The following TDRD12 variants were observed in gnomAD, a reference collection of about 807,000 sequenced individuals.
TDRD12 encodes the protein tudor domain containing 12.
Under a neutral mutation model 133.5 loss-of-function variants are expected in TDRD12, and 158 were observed. The ratio of observed to expected loss-of-function variants is 1.18; its 90% CI spans 1.04 to 1.35. The LOEUF is 1.35. TDRD12 is among the 40% of genes most tolerant of loss of function. TDRD12 has a pLI of 0.00. For synonymous variants in TDRD12, 460 were observed against 477.9 expected, an observed-to-expected ratio of 0.96 and a Z score of 0.49; for missense variants, 1,443 against 1,321.3, an observed-to-expected ratio of 1.09 and a Z score of -1.43.
intron 2 of TDRD12, among the ~76,000 whole-genome samples, chr19:32,735,909 G>C (rs1186052587): frequency 6.6e-6 from 1 of 152,198 alleles, no homozygotes; most frequent in Admixed American, 6.5e-5. Context: ...GGTGGAGGCT[G>C]CAGTGAGCTG....
chr19:32,813,027 T>TG (rs1387152784), intron 24 of TDRD12, among the ~76,000 whole-genome samples: 3 of 151,914 alleles, frequency 2.0e-5, no homozygotes, highest in Non-Finnish European at 4.4e-5. Context: ...AAATTAAAAA[T>TG]TAACCAAGTG....
chr19:32,753,410 T>G (rs963272465), intron 6 of TDRD12, among the ~76,000 whole-genome samples: 3 of 152,132 alleles, frequency 2.0e-5, no homozygotes, highest in Non-Finnish European at 2.9e-5. Flanking sequence ...GCTATGTTGT[T>G]CAGGCTGGCC....
At chr19:32,738,217 A>G (rs181950520) in intron 2 of TDRD12, among the ~76,000 whole-genome samples, 1 of 152,316 alleles carries the variant, frequency 6.6e-6, no homozygotes, top group Non-Finnish European at 1.5e-5. Context: ...CACATGATTG[A>G]CAATCATTCC....
Position 32,797,846 on chromosome 19 carries a change from G to GGGCTCCATAAAGA in TDRD12, c.1588_1600dup (p.Glu534AlafsTer3). Reference sequence around the variant, plus strand: ...TCTTCATCCTGTGCTATTAACAATTGGGCTCCATAAAGAGGAAGCCAAAAA... The same window carrying GGGCTCCATAAAGA: ...TCTTCATCCTGTGCTATTAACAATTGGGCTCCATAAAGAGGCTCCATAAAGAGGAAGCCAAAAA... On this transcript the variant is annotated frameshift_variant, in exon 15 of 28. Transcript: ENST00000444215. LOFTEE classifies it high-confidence loss of function. 1 of 701,928 alleles carries GGGCTCCATAAAGA rather than the reference G, an allele frequency of 1.4e-6. No individual in the cohort carries two copies. Among genetic ancestry groups the GGGCTCCATAAAGA allele is most frequent in the Non-Finnish European group, 2.6e-6 (1 of 384,664 alleles). The allele number at this position is 701,928 out of a possible 1,614,324, so 43.5% of individuals were successfully genotyped here.
chr19:32,762,745 C>A (rs1970186562), intron 8 of TDRD12, among the ~76,000 whole-genome samples: 1 of 152,110 alleles, frequency 6.6e-6, no homozygotes, highest in Admixed American at 6.5e-5. Context: ...TTTCACAGGA[C>A]CATTGGGTTT....
chr19:32,759,811 T>C (rs2053773725), intron 8 of TDRD12, among the ~76,000 whole-genome samples: 1 of 152,170 alleles, frequency 6.6e-6, no homozygotes, highest in South Asian at 2.1e-4. Context: ...GGACATAAAC[T>C]CTGATGTGAG....
intron 6 of TDRD12, 34 bp downstream of exon 6, chr19:32,749,903 A>C (rs762252186): frequency 3.6e-6 from 5 of 1,404,722 alleles, no homozygotes. Flanking sequence ...ATAATATTTC[A>C]TCATTTTAAA....
chr19:32,761,054 C>G (rs927160701), intron 8 of TDRD12, among the ~76,000 whole-genome samples: 2 of 152,160 alleles, frequency 1.3e-5, no homozygotes, highest in Non-Finnish European at 2.9e-5. Flanking sequence ...TCAGGTTTTG[C>G]TGGTTATCAA....
At position 32,721,679 on chromosome 19, in the gene TDRD12, C is replaced by CTATTTTATTTTATTTTATTT. The variant is rs58024880; in HGVS notation, c.24+1610_24+1629dup. Reference sequence around the variant, plus strand: ...ACAGGCGTGAGCCACCGTGCCTGGCCTATTTTATTTTATTTTATTTTATTT... The same window carrying CTATTTTATTTTATTTTATTT: ...ACAGGCGTGAGCCACCGTGCCTGGCCTATTTTATTTTATTTTATTTTATTTTATTTTATTTTATTTTATTT... On this transcript the variant is annotated intron_variant, in intron 1 of 27. Transcript: ENST00000444215. Among the ~76,000 whole-genome samples, 371 of 126,244 alleles carry CTATTTTATTTTATTTTATTT rather than the reference C, an allele frequency of 2.9e-3. 1 individual carries two copies. The highest frequency in any genetic ancestry group is 0.012 in the South Asian group (46 of 3,730). 82.8% of individuals were successfully genotyped at this position (126,244 alleles called of 152,430 possible).
At chr19:32,801,844 A>T in exon 19 of TDRD12, 1 of 1,444,404 alleles carries the variant, frequency 6.9e-7, no homozygotes, top group East Asian at 2.5e-5. Context: ...TGGAAGAAGA[A>T]GTTAAGTTCT....
At chr19:32,768,712 A>G (rs1395013618) in intron 8 of TDRD12, among the ~76,000 whole-genome samples, 1 of 151,978 alleles carries the variant, frequency 6.6e-6, no homozygotes, top group Non-Finnish European at 1.5e-5. Context: ...TCCATACCCT[A>G]AGGGCAGGGT....
chr19:32,775,912 A>T (rs1599569371), intron 10 of TDRD12, among the ~76,000 whole-genome samples: 1 of 152,132 alleles, frequency 6.6e-6, no homozygotes, highest in Non-Finnish European at 1.5e-5. Flanking sequence ...TTCTGTTAAC[A>T]TTCTCTAGAG....
chr19:32,756,244 GAT>G (rs2145546536), intron 7 of TDRD12, 63 bp downstream of exon 7: 1 of 1,315,900 alleles, frequency 7.6e-7, no homozygotes, highest in South Asian at 2.1e-5. Flanking sequence ...TTAGTGTATA[GAT>G]ATAAGTTGTA....
intron 21 of TDRD12, 133 bp downstream of exon 21, chr19:32,803,275 C>A (rs77907827): frequency 1.5e-6 from 1 of 650,750 alleles, no homozygotes; most frequent in Non-Finnish European, 2.5e-6. Context: ...GGGGTTCCCT[C>A]GCACTCTTCC....
In TDRD12 at chr19:32,797,764, G is replaced by A; in HGVS notation, c.1503G>A (p.Trp501Ter). The A allele has an allele frequency of 2.9e-6, 2 of 700,606 alleles. No homozygotes were observed. Among genetic ancestry groups the A allele is most frequent in the South Asian group, 3.0e-5 (2 of 66,982 alleles). The allele number at this position is 700,606 out of a possible 1,614,324, so 43.4% of individuals were successfully genotyped here. Residue 501 changes from tryptophan (W) to a stop codon, truncating the protein, a stop_gained, in exon 15 of 28, where the codon TGG becomes TGA. Transcript: ENST00000444215. LOFTEE classifies it high-confidence loss of function. ...TCGCAGTCATCGTGTGCCCTGGGTG[G>A]AAGAAGGCCCAATTTATTTTTGAAT...
downstream of TDRD12, chr19:32,824,307 T>A: frequency 6.6e-6 from 1 of 152,634 alleles, no homozygotes; most frequent in Non-Finnish European, 1.5e-5. Context: ...AGGGCAGCAT[T>A]CCTCCGCAGG....
chr19:32,818,972 G>A (rs1967284677), intron 27 of TDRD12, among the ~76,000 whole-genome samples: 1 of 152,130 alleles, frequency 6.6e-6, no homozygotes, highest in African/African-American at 2.4e-5. Flanking sequence ...TGCTGGGTTA[G>A]TGGTTGTTGG....
chr19:32,768,392 T>C (rs200407484), intron 8 of TDRD12, among the ~76,000 whole-genome samples: 1 of 102,858 alleles, frequency 9.7e-6, no homozygotes, highest in South Asian at 2.7e-4. Context: ...ATTCTTTTTT[T>C]TTTTTTTTCT....
intron 11 of TDRD12, among the ~76,000 whole-genome samples, chr19:32,786,680 C>T (rs1362231394): frequency 6.6e-6 from 1 of 152,158 alleles, no homozygotes; most frequent in African/African-American, 2.4e-5. Flanking sequence ...ATTTGACCTT[C>T]AATCACTGAT....
Sources: gnomAD v4.1 joint callset for allele counts (sites outside exome capture counted in the v4.1 genomes callset) on GRCh38, gnomAD v4.1.1 for gene constraint, MANE v1.5 for transcripts, NCBI Gene and HGNC (gene_info 2026-07-23, HGNC 2026-07-21) for gene names.